NRG4: variants seen among roughly 807,000 people sequenced by gnomAD.
NRG4 encodes the protein neuregulin 4.
In NRG4, 10 loss-of-function variants were observed where a neutral mutation model predicts 15.0. The ratio of observed to expected loss-of-function variants is 0.67; its 90% CI spans 0.41 to 1.13. The LOEUF is 1.13. Ranked by LOEUF, NRG4 falls within the 50% of genes most tolerant of loss-of-function variation. The probability of loss-of-function intolerance (pLI) is 0.00; values close to 1 mark genes in which losing one functional copy is unlikely to be tolerated. For synonymous variants in NRG4, 41 were observed against 50.1 expected (o/e 0.82, Z 0.77); for missense variants, 139 against 140.2 (o/e 0.99, Z 0.04).
intron 4 of NRG4, among the ~76,000 whole-genome samples, chr15:76,043,127 A>G (rs1320422695): frequency 6.6e-6 from 1 of 152,162 alleles, no homozygotes; most frequent in Admixed American, 6.5e-5. Context: ...AACTAAAAAA[A>G]CTGGGTATAG....
intron 3 of NRG4, 77 bp downstream of exon 3, chr15:76,009,123 C>T: frequency 1.3e-6 from 1 of 786,742 alleles, no homozygotes. Context: ...TTTTTGTTTA[C>T]TTTTTATCAC....
chr15:75,937,127 A>G (rs2030421713), downstream of NRG4: 1 of 151,950 alleles, frequency 6.6e-6, no homozygotes, highest in Non-Finnish European at 1.5e-5. Context: ...AATTATAGGG[A>G]GGAATAAAAC....
At chr15:76,035,792 T>C (rs1596048936) in intron 5 of NRG4, among the ~76,000 whole-genome samples, 1 of 152,202 alleles carries the variant, frequency 6.6e-6, no homozygotes, top group South Asian at 2.1e-4. Flanking sequence ...GCAGAGCCCC[T>C]GGTGGTCGGG....
chr15:75,968,506 G>A (rs752665778), intron 3 of NRG4, among the ~76,000 whole-genome samples: 2 of 150,138 alleles, frequency 1.3e-5, no homozygotes, highest in Non-Finnish European at 3.0e-5. Flanking sequence ...GAGATCATTT[G>A]AACCCAGGAG....
At chr15:76,005,111 T>C (rs2034549713) in intron 3 of NRG4, among the ~76,000 whole-genome samples, 1 of 152,134 alleles carries the variant, frequency 6.6e-6, no homozygotes, top group Non-Finnish European at 1.5e-5. Flanking sequence ...AAGTGGCTCA[T>C]GCCTGTAATC....
intron 5 of NRG4, among the ~76,000 whole-genome samples, chr15:75,949,841 C>T (rs1390669203): frequency 2.0e-5 from 3 of 152,176 alleles, no homozygotes; most frequent in Non-Finnish European, 4.4e-5. Flanking sequence ...ACTATCCTTT[C>T]TGTATTGAAT....
chr15:75,947,813 GT>G (rs2031627243), intron 5 of NRG4, among the ~76,000 whole-genome samples: 1 of 152,204 alleles, frequency 6.6e-6, no homozygotes, highest in African/African-American at 2.4e-5. Flanking sequence ...ATGGTTTCTG[GT>G]TTTTTGTTTG....
intron 5 of NRG4, chr15:75,945,673 ACAT>A (rs2031459851): frequency 6.6e-6 from 1 of 152,186 alleles, no homozygotes; most frequent in African/African-American, 2.4e-5. Flanking sequence ...ACAATAAAAC[ACAT>A]CAACTGATAG....
At chr15:75,988,710 C>A (rs966942712) in intron 3 of NRG4, among the ~76,000 whole-genome samples, 1 of 152,034 alleles carries the variant, frequency 6.6e-6, no homozygotes, top group Non-Finnish European at 1.5e-5. Flanking sequence ...TAGAGCTGAT[C>A]TGAATCAACA....
At chr15:76,048,071 T>A (rs2035914351) in intron 4 of NRG4, among the ~76,000 whole-genome samples, 1 of 148,866 alleles carries the variant, frequency 6.7e-6, no homozygotes, top group East Asian at 1.9e-4. Flanking sequence ...GGTGGGAGGA[T>A]CCCTGGAGCC....
chr15:75,940,306 A>G (rs987702429), downstream of NRG4: 6 of 152,116 alleles, frequency 3.9e-5, no homozygotes, highest in Admixed American at 1.3e-4. Flanking sequence ...TGGCTTGTAC[A>G]ATGAAAACTA....
intron 5 of NRG4, among the ~76,000 whole-genome samples, chr15:76,018,229 AC>A (rs1188767229): frequency 6.6e-6 from 1 of 151,558 alleles, no homozygotes; most frequent in Non-Finnish European, 1.5e-5. Flanking sequence ...AATTCCTCTA[AC>A]CTTTTTTCAT....
rs150353207 is a variant in NRG4 at position 75,949,644 on chromosome 15, T to C, written c.332-5990A>G. ...TTTTTATCGATTGTGCTTTTTGTAT[T>C]GTATCTAAAAATCTTTGCCTAATTC... On this transcript the variant is annotated intron_variant, in intron 5 of 5. Coordinates refer to ENST00000394907, the MANE Select transcript of NRG4 (RefSeq NM_138573.4). 4.7e-3 allele frequency among the ~76,000 whole-genome samples: 711 copies of C among 152,354 alleles called. 2 individuals carry two copies. The highest frequency in any genetic ancestry group is 8.0e-3 in the Non-Finnish European group (546 of 68,024).
chr15:75,988,569 T>TAG (rs1321768760), intron 3 of NRG4, among the ~76,000 whole-genome samples: 1 of 152,238 alleles, frequency 6.6e-6, no homozygotes, highest in East Asian at 1.9e-4. Flanking sequence ...GAATGTGAAA[T>TAG]ATCCTGAGTC....
At chr15:75,967,927 A>C (rs2032896304) in intron 3 of NRG4, among the ~76,000 whole-genome samples, 2 of 152,254 alleles carry the variant, frequency 1.3e-5, no homozygotes, top group South Asian at 4.1e-4. Flanking sequence ...TTCATTGTGA[A>C]GGACTATAAT....
chr15:76,049,204 C>T (rs2035941133), intron 4 of NRG4, among the ~76,000 whole-genome samples: 1 of 150,666 alleles, frequency 6.6e-6, no homozygotes, highest in South Asian at 2.1e-4. Flanking sequence ...AACACACATA[C>T]ATACACACAC....
intron 5 of NRG4, among the ~76,000 whole-genome samples, chr15:75,947,656 C>G (rs1367009098): frequency 6.6e-6 from 1 of 152,156 alleles, no homozygotes; most frequent in Non-Finnish European, 1.5e-5. Flanking sequence ...GATGTATACC[C>G]AGGAGTGGAA....
chr15:76,040,596 GA>G (rs1433196735), intron 4 of NRG4, among the ~76,000 whole-genome samples: 1 of 152,156 alleles, frequency 6.6e-6, no homozygotes, highest in African/African-American at 2.4e-5. Flanking sequence ...ATCCTAAATA[GA>G]AAGATTAAAT....
chr15:75,967,205 C>T (rs1440234868), intron 3 of NRG4, among the ~76,000 whole-genome samples: 3 of 151,040 alleles, frequency 2.0e-5, no homozygotes, highest in Admixed American at 6.6e-5. Flanking sequence ...TTTTATAGGC[C>T]GAGAAACAGT....
Sources: gnomAD v4.1 joint callset for allele counts (sites outside exome capture counted in the v4.1 genomes callset) on GRCh38, gnomAD v4.1.1 for gene constraint, MANE v1.5 for transcripts, NCBI Gene and HGNC (gene_info 2026-07-23, HGNC 2026-07-21) for gene names.